Variants in THAP3 observed in about 807,000 individuals in gnomAD.
THAP3 encodes THAP domain containing 3.
In THAP3, 12 loss-of-function variants were observed where a neutral mutation model predicts 17.7. That is an observed-to-expected ratio of 0.68 (90% CI 0.43 to 1.10). The LOEUF (loss-of-function observed/expected upper bound fraction) is 1.10. Ranked by LOEUF, THAP3 falls within the 50% of genes least tolerant of loss-of-function variation. THAP3 has a pLI of 0.00. For synonymous variants in THAP3, 133 were observed against 126.9 expected, an observed-to-expected ratio of 1.05 and a Z score of -0.32; for missense variants, 289 against 318.0, an observed-to-expected ratio of 0.91 and a Z score of 0.69.
rs761035629 is a variant in THAP3 at position 6,625,215 on chromosome 1, C to A, written c.-4C>A. On this transcript the variant is annotated 5_prime_UTR_variant, in exon 2 of 6. The change creates a premature stop within an existing upstream ORF in the 5' untranslated region. Coordinates refer to ENST00000054650, the MANE Select transcript of THAP3 (RefSeq NM_001195753.2). Reference sequence around the variant, plus strand: ...TTGTTGGGGGCAGCCAGGCCTGGCTCGAGATGCCGAAGTCGTGCGCGGCCC... The same window carrying A: ...TTGTTGGGGGCAGCCAGGCCTGGCTAGAGATGCCGAAGTCGTGCGCGGCCC... The A allele has an allele frequency of 9.3e-5, 144 of 1,541,028 alleles. No individual in the cohort carries two copies. In the East Asian group the frequency reaches 3.5e-3, roughly 37 times the overall value.
intron 2 of THAP3, 133 bp downstream of exon 2, chr1:6,625,425 G>T (rs1641439803): frequency 3.1e-6 from 2 of 652,720 alleles, no homozygotes; most frequent in East Asian, 9.1e-5. Flanking sequence ...CGAGGTCCTG[G>T]GCCCAGAGGG....
chr1:6,632,428 G>A lies in THAP3; in HGVS notation c.371G>A (p.Gly124Glu). 1.2e-6 allele frequency: 2 copies of A among 1,614,076 alleles called. No individual in the cohort carries two copies. The highest frequency in any genetic ancestry group is 1.7e-6 in the Non-Finnish European group (2 of 1,180,026). ...PEAGAGEDSP[G>E]RNMDTALEEL... ...GCGGGGGCCGGAGAGGACAGTCCTG[G>A]GAGAAACATGGACACTGCACTTGAA... Residue 124 changes from glycine to glutamate, a missense_variant, in exon 5 of 6, where the codon GGG becomes GAG. Gly to Glu is a moderately conservative substitution (Grantham distance 98). Transcript: ENST00000054650.
At chr1:6,633,969 A>G (rs1359718880), downstream of THAP3, 1 of 1,542,908 alleles carries the variant, frequency 6.5e-7, no homozygotes, top group South Asian at 1.2e-5. Context: ...AGTGAATTAA[A>G]GAAAAAAGTT....
chr1:6,633,142 G>A lies in THAP3; in HGVS notation c.*65G>A. ...GGGCCGGCAGAGCTTTGGAGCTCTG[G>A]CTGTGGACATTTTTGTCTGCTGTGG... On this transcript the variant is annotated 3_prime_UTR_variant, in exon 6 of 6. Coordinates refer to ENST00000054650, the MANE Select transcript of THAP3 (RefSeq NM_001195753.2). 6 of 1,526,188 alleles carry A rather than the reference G, an allele frequency of 3.9e-6. No homozygotes were observed. Among genetic ancestry groups the A allele is most frequent in the Non-Finnish European group, 2.6e-6 (3 of 1,137,330 alleles). 94.5% of individuals were successfully genotyped at this position (1,526,188 alleles called of 1,614,324 possible). A position where few individuals can be genotyped will look rare whatever the true frequency, so the allele number is the denominator to read the frequency against.
chr1:6,633,946 A>G (rs1029570014), downstream of THAP3: 23 of 1,381,064 alleles, frequency 1.7e-5, no homozygotes, highest in Non-Finnish European at 2.1e-5. Flanking sequence ...TATTTTGTCT[A>G]ATTTATAGCT....
chr1:6,627,609 T>C (rs1303791641), intron 2 of THAP3, among the ~76,000 whole-genome samples: 1 of 152,188 alleles, frequency 6.6e-6, no homozygotes. Flanking sequence ...AGGCAGTCTG[T>C]CTGCCTTGGC....
intron 3 of THAP3, among the ~76,000 whole-genome samples, chr1:6,629,965 G>A (rs1395312210): frequency 6.6e-6 from 1 of 152,236 alleles, no homozygotes; most frequent in Non-Finnish European, 1.5e-5. Context: ...CGAGTGGTGA[G>A]CTGCGCTTCT....
intron 3 of THAP3, among the ~76,000 whole-genome samples, chr1:6,629,914 A>G (rs1280553672): frequency 2.0e-5 from 3 of 152,260 alleles, no homozygotes; most frequent in Middle Eastern, 3.4e-3. Flanking sequence ...GCCCCACCCC[A>G]GTGTGGCCCA....
At position 6,630,361 on chromosome 1, in the gene THAP3, C is replaced by T. The variant is rs1191765411; in HGVS notation, c.333+8C>T. 5.6e-6 allele frequency: 9 copies of T among 1,613,694 alleles called. No individual in the cohort carries two copies. The highest frequency in any genetic ancestry group is 1.3e-5 in the African/African-American group (1 of 74,908). Reference sequence around the variant, plus strand: ...TCTTCTCAGAAAGAAAAGGTGAGTGCACCGGGCCAGGTACTTGAATGTTTA... The same window carrying T: ...TCTTCTCAGAAAGAAAAGGTGAGTGTACCGGGCCAGGTACTTGAATGTTTA... On this transcript the variant is annotated splice_region_variant and intron_variant, in intron 4 of 5. Transcript: ENST00000054650.
intron 4 of THAP3, among the ~76,000 whole-genome samples, chr1:6,631,996 G>A (rs1641627164): frequency 6.8e-6 from 1 of 147,864 alleles, no homozygotes; most frequent in African/African-American, 2.5e-5. Flanking sequence ...GCAGTGAGCC[G>A]AGATCATGCC....
chr1:6,626,852 CAA>C (rs1172916784), intron 2 of THAP3, among the ~76,000 whole-genome samples: 1 of 152,186 alleles, frequency 6.6e-6, no homozygotes, highest in Non-Finnish European at 1.5e-5. Context: ...TCTCAAAAAA[CAA>C]AACAAAACAA....
rs985274020 is a variant in THAP3 at position 6,628,388 on chromosome 1, A to G, written c.75-111A>G. 5 of 834,100 alleles carry G rather than the reference A, an allele frequency of 6.0e-6. No individual in the cohort carries two copies. The African/African-American group carries it at 7.1e-5, about 12-fold the overall frequency. 51.7% of individuals were successfully genotyped at this position (834,100 alleles called of 1,614,324 possible). A position where few individuals can be genotyped will look rare whatever the true frequency, so the allele number is the denominator to read the frequency against. On this transcript the variant is annotated intron_variant, in intron 2 of 5. Transcript: ENST00000054650. ...TGATTTAATAAACCGAGAGGACTGA[A>G]TGTCCACAGCTGTCCAGGGAAGTAC...
intron 2 of THAP3, among the ~76,000 whole-genome samples, chr1:6,627,202 G>T (rs1641489353): frequency 6.6e-6 from 1 of 152,030 alleles, no homozygotes; most frequent in African/African-American, 2.4e-5. Flanking sequence ...ATGGCCCAGG[G>T]GTGGCTTCTA....
At chr1:6,632,049 A>AG (rs2148720853) in intron 4 of THAP3, among the ~76,000 whole-genome samples, 1 of 150,332 alleles carries the variant, frequency 6.7e-6, no homozygotes, top group South Asian at 2.1e-4. Context: ...TCCGTCTCAA[A>AG]AAAAAAAAAA....
At chr1:6,634,913 T>C (rs1034072173), downstream of THAP3, 66 of 1,171,664 alleles carry the variant, frequency 5.6e-5, no homozygotes, top group Non-Finnish European at 7.0e-5. Context: ...AGGTGGGTGG[T>C]GCAGGCGGTG....
chr1:6,632,228 G>T, intron 4 of THAP3, 163 bp from the exon 5 acceptor site: 2 of 672,384 alleles, frequency 3.0e-6, no homozygotes, highest in Non-Finnish European at 4.5e-6. Flanking sequence ...AAAAAAAAAA[G>T]TTCAGTTCCA....
In THAP3 at chr1:6,632,124, G is replaced by A. The variant is rs990947274; in HGVS notation, c.334-267G>A. On this transcript the variant is annotated intron_variant, in intron 4 of 5. Transcript: ENST00000054650. ...CTAGCTACTCAGGAGGCTGAGGCAC[G>A]AGAATCACCTGAACCCTGGGGGTGG... Among the ~76,000 whole-genome samples, 66 of 151,570 alleles carry A rather than the reference G, an allele frequency of 4.4e-4. 1 individual carries two copies. The highest frequency in any genetic ancestry group is 3.4e-3 in the Middle Eastern group (1 of 294).
intron 4 of THAP3, among the ~76,000 whole-genome samples, chr1:6,631,963 G>A (rs1035439257): frequency 6.7e-6 from 1 of 148,788 alleles, no homozygotes; most frequent in Non-Finnish European, 1.5e-5. Flanking sequence ...GGCAGAATTG[G>A]TTGAACCCGG....
downstream of THAP3, chr1:6,634,837 T>C: frequency 1.6e-6 from 2 of 1,241,310 alleles, no homozygotes; most frequent in Non-Finnish European, 1.0e-6. Flanking sequence ...GTTGGGTGTG[T>C]CTGATGTCTT....
Sources: allele counts gnomAD v4.1 joint callset (sites outside exome capture counted in the v4.1 genomes callset), GRCh38; gene constraint gnomAD v4.1.1; transcripts MANE v1.5; gene names NCBI Gene and HGNC (gene_info 2026-07-23, HGNC 2026-07-21).